Variants in MGAM observed in about 807,000 individuals in gnomAD.
MGAM encodes maltase-glucoamylase, also known as alpha-1,4-glucosidase.
Under a neutral mutation model 358.8 loss-of-function variants are expected in MGAM, and 253 were observed. The observed-to-expected ratio is 0.71, with a 90% confidence interval of 0.64 to 0.78. MGAM has a LOEUF of 0.78. Among genes scored for constraint, MGAM ranks in the 30% least tolerant of loss-of-function variants. The pLI is 0.00. For synonymous variants in MGAM, 1,105 were observed against 1,227.1 expected, an observed-to-expected ratio of 0.90 and a Z score of 2.08; for missense variants, 3,080 against 3,432.6, an observed-to-expected ratio of 0.90 and a Z score of 2.57.
chr7:142,020,318 T>C (rs1203725562), intron 4 of MGAM, among the ~76,000 whole-genome samples: 14 of 152,112 alleles, frequency 9.2e-5, no homozygotes, highest in Admixed American at 3.3e-4. Flanking sequence ...GAAGGAATTA[T>C]GTATATGTAT....
chr7:142,091,720 AG>A (rs1815401834), intron 57 of MGAM, among the ~76,000 whole-genome samples, 192 bp from the exon 58 acceptor site: 3 of 146,396 alleles, frequency 2.0e-5, no homozygotes, highest in African/African-American at 7.3e-5. Flanking sequence ...AATGCCGGGA[AG>A]GTGTGCAAAT....
rs113813567 is a variant in MGAM, at chr7:142,077,236, G to A, written c.5493+410G>A. On this transcript the variant is annotated intron_variant, in intron 47 of 70. Coordinates refer to ENST00000475668, the MANE Select transcript of MGAM (RefSeq NM_001365693.1). ...GGCCAGCTTGGATAGGAAACTTGTGGTCAGGCTTTGGAGGTCTTAGTTACC... is the reference window on the plus strand; with the variant it reads ...GGCCAGCTTGGATAGGAAACTTGTGATCAGGCTTTGGAGGTCTTAGTTACC... Among the ~76,000 whole-genome samples, 130 of 145,730 alleles carry A rather than the reference G, an allele frequency of 8.9e-4. 5 individuals carry two copies. Among genetic ancestry groups the A allele is most frequent in the African/African-American group, 3.0e-3 (124 of 41,092 alleles).
intron 57 of MGAM, among the ~76,000 whole-genome samples, chr7:142,088,477 C>G (rs1193739668): frequency 1.7e-5 from 2 of 119,224 alleles, no homozygotes; most frequent in African/African-American, 8.5e-5. Context: ...ATCTATCTAT[C>G]TACCTATCTC....
chr7:141,999,261 C>T (rs548067713), intron 1 of MGAM, among the ~76,000 whole-genome samples: 52 of 152,280 alleles, frequency 3.4e-4, no homozygotes, highest in South Asian at 8.3e-4. Flanking sequence ...AAATGAGGCA[C>T]ATCAGTAGCT....
Position 142,040,746 on chromosome 7 carries a change from CA to C in MGAM, c.2403del (p.Val802SerfsTer43). 6.2e-7 allele frequency: 1 copy of C among 1,613,076 alleles called. No individual in the cohort carries two copies. Among genetic ancestry groups the C allele is most frequent in the Non-Finnish European group, 8.5e-7 (1 of 1,179,456 alleles). ...ETGSQVRWRKQKVEMELPGDK... is the reference protein window; with the variant it reads ...ETGSQVRWRKXKVEMELPGDK... ...GGGGAGCCAAGTGAGATGGAGGAAG[CA>C]AAAAGTCGAGATGGAACTTCCTGGA... On this transcript the variant is annotated frameshift_variant, in exon 21 of 71. Coordinates refer to ENST00000475668, the MANE Select transcript of MGAM (RefSeq NM_001365693.1). LOFTEE classifies it high-confidence loss of function.
intron 21 of MGAM, among the ~76,000 whole-genome samples, chr7:142,041,970 T>A (rs1163524714): frequency 7.0e-4 from 13 of 18,618 alleles, no homozygotes; most frequent in African/African-American, 2.0e-3. Context: ...TATATATATA[T>A]TATATATATA....
chr7:142,062,946 C>A (rs1040708323), intron 35 of MGAM, among the ~76,000 whole-genome samples: 1 of 152,184 alleles, frequency 6.6e-6, no homozygotes, highest in African/African-American at 2.4e-5. Flanking sequence ...CGCCTGTAAT[C>A]CCAGCACTTT....
chr7:142,040,141 G>A lies in MGAM; in HGVS notation c.2343G>A (p.Val781=). ...GTGCAGAGAAAGTGATGGCATATGT[G>A]CCTGATGCTGTCTGGTATGACTACG... ...DEGAEKVMAY[V]PDAVWYDYET... is the part of the protein sequence containing the mutation. Residue 781 remains valine, a synonymous_variant, in exon 20 of 71, where the codon GTG becomes GTA. Transcript: ENST00000475668. 1 of 1,612,686 alleles carries A rather than the reference G, an allele frequency of 6.2e-7. No individual in the cohort carries two copies. Among genetic ancestry groups the A allele is most frequent in the South Asian group, 1.1e-5 (1 of 90,886 alleles).
Position 142,019,315 on chromosome 7 carries a change from T to G in MGAM, c.444T>G (p.Asn148Lys), listed in dbSNP as rs1554457583. The G allele has an allele frequency of 6.2e-7, 1 of 1,612,448 alleles. No individual in the cohort carries two copies. The highest frequency in any genetic ancestry group is 1.3e-5 in the African/African-American group (1 of 74,904). ...TAGAGGGCAACCTTGTCAACACAAA[T>G]GCAGGTAAGCCAGAGTCTGCCATGA... ...YHVEGNLVNT[N>K]AGFTARLKNL... Residue 148 changes from asparagine (N) to lysine (K), a missense_variant, in exon 4 of 71, where the codon AAT becomes AAG. Transcript: ENST00000475668.
At position 142,041,754 on chromosome 7, in the gene MGAM, T is replaced by A. The variant is rs1418714754; in HGVS notation, c.2498+908T>A. On this transcript the variant is annotated intron_variant, in intron 21 of 70. Transcript: ENST00000475668. ...CTTATCCTTTCCAACATTCTTTGCC[T>A]GGTGTATTCTTAATGATCCAAATGA... is the stretch of plus-strand genomic sequence containing the variant. Among the ~76,000 whole-genome samples the A allele has an allele frequency of 5.4e-5, 8 of 148,454 alleles. No homozygotes were observed. In the East Asian group the frequency reaches 1.6e-3, roughly 29 times the overall value.
At chr7:142,055,182 T>C (rs945904907) in intron 27 of MGAM, among the ~76,000 whole-genome samples, 1 of 152,182 alleles carries the variant, frequency 6.6e-6, no homozygotes, top group Non-Finnish European at 1.5e-5. Flanking sequence ...AGCTGAGGTT[T>C]CTCTTCTCAT....
intron 29 of MGAM, 73 bp from the exon 30 acceptor site, chr7:142,056,757 A>G: frequency 7.0e-7 from 1 of 1,437,714 alleles, no homozygotes; most frequent in Non-Finnish European, 9.6e-7. Context: ...GAAGATGGAG[A>G]ATGTGTGGAT....
At chr7:142,101,032 C>T (rs1816395542) in intron 68 of MGAM, 142 bp downstream of exon 68, 3 of 753,064 alleles carry the variant, frequency 4.0e-6, no homozygotes, top group African/African-American at 1.8e-5. Flanking sequence ...GGGTATAATC[C>T]ATATTGGACA....
intron 44 of MGAM, among the ~76,000 whole-genome samples, chr7:142,071,892 A>G (rs962294722): frequency 6.8e-6 from 1 of 146,332 alleles, no homozygotes; most frequent in African/African-American, 2.4e-5. Context: ...TTATATCTTC[A>G]TGCCTTTGAG....
chr7:142,036,482 T>C (rs1175117109), intron 17 of MGAM, among the ~76,000 whole-genome samples, 197 bp downstream of exon 17: 1 of 152,216 alleles, frequency 6.6e-6, no homozygotes, highest in Admixed American at 6.5e-5. Flanking sequence ...TGTTATTTAC[T>C]GTTGCATTCA....
At chr7:142,062,031 A>G (rs1193814126) in intron 34 of MGAM, among the ~76,000 whole-genome samples, 4 of 152,194 alleles carry the variant, frequency 2.6e-5, no homozygotes, top group African/African-American at 9.7e-5. Flanking sequence ...AGTCCTCTCA[A>G]TTTATGTTAC....
intron 53 of MGAM, among the ~76,000 whole-genome samples, chr7:142,084,226 C>T (rs1407549968): frequency 6.9e-6 from 1 of 145,970 alleles, no homozygotes; most frequent in African/African-American, 2.4e-5. Context: ...GGACTGGAGC[C>T]TGTATCTAAG....
At chr7:142,030,197 A>T in intron 10 of MGAM, 165 bp from the exon 11 acceptor site, 4 of 762,462 alleles carry the variant, frequency 5.2e-6, no homozygotes, top group African/African-American at 1.8e-5. Context: ...TGTGTTTTTG[A>T]AATCAACATT....
chr7:142,009,501 A>G (rs965516607), intron 3 of MGAM, among the ~76,000 whole-genome samples: 9 of 152,174 alleles, frequency 5.9e-5, no homozygotes, highest in African/African-American at 2.2e-4. Flanking sequence ...AGATTATCAC[A>G]TTCTCAGTAT....
Sources: gnomAD v4.1 joint callset for allele counts (sites outside exome capture counted in the v4.1 genomes callset) on GRCh38, gnomAD v4.1.1 for gene constraint, MANE v1.5 for transcripts, NCBI Gene and HGNC (gene_info 2026-07-23, HGNC 2026-07-21) for gene names.